SWT1: variants seen among roughly 807,000 people sequenced by gnomAD.
The protein encoded by SWT1 is SWT1 RNA endoribonuclease homolog, also known as transcriptional protein SWT1.
In SWT1, 33 loss-of-function variants were observed where a neutral mutation model predicts 107.3. That is an observed-to-expected ratio of 0.31 (90% CI 0.23 to 0.41). The LOEUF is 0.41. SWT1 is among the 10% of genes least tolerant of loss of function. The probability of loss-of-function intolerance (pLI) is 1.00; values close to 1 mark genes in which losing one functional copy is unlikely to be tolerated. For missense variants in SWT1, 898 were observed against 1,028.9 expected, an observed-to-expected ratio of 0.87 and a Z score of 1.74; for synonymous variants, 345 against 348.3, an observed-to-expected ratio of 0.99 and a Z score of 0.11.
chr1:185,255,145 C>T (rs1446746297), intron 16 of SWT1, among the ~76,000 whole-genome samples: 2 of 151,892 alleles, frequency 1.3e-5, no homozygotes, highest in Non-Finnish European at 2.9e-5. Context: ...GTCTGAGAGA[C>T]AGTTTGTTAT....
intron 15 of SWT1, among the ~76,000 whole-genome samples, chr1:185,222,893 T>C (rs2102533402): frequency 6.6e-6 from 1 of 152,256 alleles, no homozygotes; most frequent in East Asian, 1.9e-4. Context: ...CCTATCTAAT[T>C]GTAACTTTGT....
chr1:185,251,241 T>C (rs547250378), intron 16 of SWT1: 1 of 152,332 alleles, frequency 6.6e-6, no homozygotes, highest in East Asian at 1.9e-4. Context: ...CCTAACTTCT[T>C]TCTGTTTTTT....
chr1:185,217,758 G>C (rs1040902978), intron 14 of SWT1, among the ~76,000 whole-genome samples: 4 of 152,054 alleles, frequency 2.6e-5, no homozygotes, highest in African/African-American at 9.7e-5. Flanking sequence ...ACCACACCTG[G>C]CTAATTTTTG....
chr1:185,191,614 A>G (rs1656955175), intron 10 of SWT1, among the ~76,000 whole-genome samples: 1 of 152,158 alleles, frequency 6.6e-6, no homozygotes, highest in African/African-American at 2.4e-5. Flanking sequence ...CTATTAAAGG[A>G]AATATTGGAG....
chr1:185,274,763 C>A (rs1273693213), intron 17 of SWT1, among the ~76,000 whole-genome samples: 1 of 151,984 alleles, frequency 6.6e-6, no homozygotes, highest in Non-Finnish European at 1.5e-5. Context: ...CTATTTTTTT[C>A]CCCTGGAAAT....
intron 14 of SWT1, among the ~76,000 whole-genome samples, chr1:185,219,322 G>A (rs1382068150): frequency 2.0e-5 from 3 of 152,052 alleles, no homozygotes. Context: ...CAGTTTTGTT[G>A]ATTATAAGAT....
chr1:185,257,740 C>G (rs1662707514), intron 16 of SWT1, among the ~76,000 whole-genome samples: 1 of 152,268 alleles, frequency 6.6e-6, no homozygotes, highest in Non-Finnish European at 1.5e-5. Flanking sequence ...TCACCGCCTT[C>G]TGCGTCGCTC....
At chr1:185,271,670 C>G (rs1360478534) in intron 17 of SWT1, among the ~76,000 whole-genome samples, 1 of 152,064 alleles carries the variant, frequency 6.6e-6, no homozygotes, top group Non-Finnish European at 1.5e-5. Context: ...TCACAGTTAA[C>G]CCTTTTTGTG....
At chr1:185,197,358 G>A (rs957990669) in intron 10 of SWT1, among the ~76,000 whole-genome samples, 4 of 152,048 alleles carry the variant, frequency 2.6e-5, no homozygotes, top group Non-Finnish European at 4.4e-5. Flanking sequence ...TGCTGGATTC[G>A]GTTTGTTAGT....
intron 16 of SWT1, among the ~76,000 whole-genome samples, chr1:185,247,525 CAGTG>C (rs1661699762): frequency 6.6e-6 from 1 of 152,154 alleles, no homozygotes; most frequent in Non-Finnish European, 1.5e-5. Flanking sequence ...TTTAATTTCT[CAGTG>C]AGATTCATAT....
rs545686498 is a variant in SWT1, at chr1:185,235,437, T to C, written c.2441+3729T>C. Among the ~76,000 whole-genome samples the C allele has an allele frequency of 5.5e-3, 840 of 152,252 alleles. 34 individuals are homozygous for C. In the East Asian group the frequency reaches 0.093, roughly 17 times the overall value. On this transcript the variant is annotated intron_variant, in intron 16 of 18. Coordinates refer to ENST00000367500, the MANE Select transcript of SWT1 (RefSeq NM_017673.7). ...GCAATTCAATAAATGTAATCCAGCA[T>C]ATAAACAGAGCCAAAGACAAAAACC...
intron 5 of SWT1, among the ~76,000 whole-genome samples, chr1:185,178,650 A>G (rs1655768519): frequency 6.6e-6 from 1 of 152,224 alleles, no homozygotes; most frequent in South Asian, 2.1e-4. Flanking sequence ...TAGAGAGAGC[A>G]AAGGGTAATA....
intron 16 of SWT1, among the ~76,000 whole-genome samples, chr1:185,265,838 G>A (rs575190432): frequency 6.6e-6 from 1 of 152,054 alleles, no homozygotes; most frequent in South Asian, 2.1e-4. Context: ...ATTAGCTATA[G>A]AGAATATAAA....
intron 10 of SWT1, among the ~76,000 whole-genome samples, chr1:185,198,553 G>T (rs772433749): frequency 6.6e-6 from 1 of 152,108 alleles, no homozygotes; most frequent in Non-Finnish European, 1.5e-5. Context: ...CACTATTATT[G>T]TGTTGGGAGT....
At chr1:185,270,772 C>T (rs1663800474) in intron 16 of SWT1, among the ~76,000 whole-genome samples, 1 of 152,124 alleles carries the variant, frequency 6.6e-6, no homozygotes, top group East Asian at 1.9e-4. Context: ...TTTTGTCAAT[C>T]AGTGTTATTT....
At chr1:185,253,220 A>G (rs1201858153) in intron 16 of SWT1, among the ~76,000 whole-genome samples, 21 of 147,922 alleles carry the variant, frequency 1.4e-4, no homozygotes, top group Non-Finnish European at 2.2e-4. Context: ...GTAGCGTGAT[A>G]CCTCCAGCTT....
chr1:185,158,318 C>T lies in SWT1; in HGVS notation c.-10+1004C>T, dbSNP rs76139466. 2.5e-3 allele frequency among the ~76,000 whole-genome samples: 376 copies of T among 151,730 alleles called. 2 individuals carry two copies. The highest frequency in any genetic ancestry group is 8.7e-3 in the African/African-American group (360 of 41,356). ...CCCAGTTTAATGGGAACAGATTATC[C>T]CTGTGGAGCTTCTGTGAGTTATAGT... On this transcript the variant is annotated intron_variant, in intron 1 of 18. Coordinates refer to ENST00000367500, the MANE Select transcript of SWT1 (RefSeq NM_017673.7).
intron 13 of SWT1, among the ~76,000 whole-genome samples, chr1:185,213,080 TTG>T (rs2102494605): frequency 6.6e-6 from 1 of 152,320 alleles, no homozygotes; most frequent in African/African-American, 2.4e-5. Context: ...TCTTTTTTTG[TTG>T]TGTCTGTATA....
intron 16 of SWT1, among the ~76,000 whole-genome samples, chr1:185,252,899 G>C (rs1190990597): frequency 0.044 from 6,369 of 144,544 alleles, 347 homozygotes; most frequent in African/African-American, 0.16. Context: ...TTTCTTCTAG[G>C]GTTTTTATGG....
Sources: allele counts gnomAD v4.1 joint callset (sites outside exome capture counted in the v4.1 genomes callset), GRCh38; gene constraint gnomAD v4.1.1; transcripts MANE v1.5; gene names NCBI Gene and HGNC (gene_info 2026-07-23, HGNC 2026-07-21).